The following CNTNAP3 variants were observed in gnomAD, a reference collection of about 807,000 sequenced individuals.
The protein encoded by CNTNAP3 is contactin-associated protein-like 3.
Under a neutral mutation model 92.1 loss-of-function variants are expected in CNTNAP3, and 36 were observed. That is an observed-to-expected ratio of 0.39 (90% confidence interval 0.30 to 0.52). The LOEUF (loss-of-function observed/expected upper bound fraction) is 0.52, where lower values mean the gene tolerates loss of function less well. Among genes scored for constraint, CNTNAP3 ranks in the 20% least tolerant of loss-of-function variants. The pLI, the probability that CNTNAP3 is intolerant of heterozygous loss-of-function variation, is 0.76. For synonymous variants in CNTNAP3, 232 were observed against 422.3 expected (o/e 0.55, Z 5.53); for missense variants, 534 against 1,069.6 (o/e 0.50, Z 6.98).
At chr9:39,132,900 GA>G in intron 13 of CNTNAP3, 31 bp downstream of exon 13, 2 of 1,522,218 alleles carry the variant, frequency 1.3e-6, no homozygotes, top group Non-Finnish European at 1.7e-6. Context: ...CCGGCCCCGT[GA>G]ACCCCTGTAG....
chr9:39,168,262 A>C (rs1011336602), intron 8 of CNTNAP3, among the ~76,000 whole-genome samples: 1 of 149,902 alleles, frequency 6.7e-6, no homozygotes, highest in Non-Finnish European at 1.5e-5. Context: ...CGTGATCTGC[A>C]TGCCTTGGCC....
At chr9:39,134,636 C>T (rs1456403857) in intron 12 of CNTNAP3, among the ~76,000 whole-genome samples, 1 of 152,098 alleles carries the variant, frequency 6.6e-6, no homozygotes, top group Non-Finnish European at 1.5e-5. Flanking sequence ...CCATGTTGGC[C>T]AGGCTGGTCT....
At chr9:39,125,763 C>A (rs1441390632) in intron 13 of CNTNAP3, among the ~76,000 whole-genome samples, 1 of 152,014 alleles carries the variant, frequency 6.6e-6, no homozygotes, top group East Asian at 1.9e-4. Flanking sequence ...ATAAAGGGGT[C>A]AATATAACAA....
chr9:39,174,423 T>G (rs1387808548), intron 7 of CNTNAP3: 1 of 640,682 alleles, frequency 1.6e-6, no homozygotes, highest in Non-Finnish European at 2.9e-6. Context: ...TTCATGGGCT[T>G]CACAGCTGTT....
chr9:39,150,779 C>T (rs920556908), intron 9 of CNTNAP3, among the ~76,000 whole-genome samples: 1 of 92,328 alleles, frequency 1.1e-5, no homozygotes, highest in African/African-American at 4.6e-5. Context: ...TTCACTACAA[C>T]CGTCAGCTAA....
chr9:39,205,022 C>T (rs1433502342), intron 3 of CNTNAP3, among the ~76,000 whole-genome samples: 1 of 78,478 alleles, frequency 1.3e-5, no homozygotes, highest in Non-Finnish European at 2.1e-5. Context: ...TGTTTTTGAG[C>T]ACTTCCCACA....
In CNTNAP3 at chr9:39,121,012, GT is replaced by G. The variant is rs1821007043; in HGVS notation, c.2081-2754del. Among the ~76,000 whole-genome samples, 3 of 152,066 alleles carry G rather than the reference GT, an allele frequency of 2.0e-5. No homozygotes were observed. In the South Asian group the frequency reaches 6.2e-4, roughly 32 times the overall value. ...TCATTATGAGAGTGAAGATATTTAA[GT>G]TGACTGTGGTAAGTCACATATGTAA... On this transcript the variant is annotated intron_variant, in intron 13 of 23. Coordinates refer to ENST00000297668, the MANE Select transcript of CNTNAP3 (RefSeq NM_033655.5).
intron 4 of CNTNAP3, among the ~76,000 whole-genome samples, chr9:39,179,296 C>T (rs1297843584): frequency 0.01 from 1,292 of 129,046 alleles, 78 homozygotes; most frequent in African/African-American, 0.04. Flanking sequence ...TACACACACA[C>T]ACACACACAC....
chr9:39,149,163 C>G (rs976676370), intron 10 of CNTNAP3, among the ~76,000 whole-genome samples: 3 of 152,092 alleles, frequency 2.0e-5, no homozygotes, highest in Admixed American at 6.6e-5. Context: ...TGAATAGTAA[C>G]CTGGCAAATT....
chr9:39,072,629 T>A lies in CNTNAP3; in HGVS notation c.*1261A>T, dbSNP rs1825653993. On this transcript the variant is annotated 3_prime_UTR_variant, in exon 24 of 24. Coordinates refer to ENST00000297668, the MANE Select transcript of CNTNAP3 (RefSeq NM_033655.5). ...CCTGTGATCAGACTGGCAGATTTAA[T>A]AAACATCATGTAAATGCTAACTTAA... is the stretch of plus-strand genomic sequence containing the variant. 6.6e-6 allele frequency: 1 copy of A among 152,254 alleles called. No homozygotes were observed. The highest frequency in any genetic ancestry group is 1.5e-5 in the Non-Finnish European group (1 of 68,032). The allele number at this position is 152,254 out of a possible 1,614,324, so 9.4% of individuals were successfully genotyped here. A position where few individuals can be genotyped will look rare whatever the true frequency, so the allele number is the denominator to read the frequency against.
intron 13 of CNTNAP3, among the ~76,000 whole-genome samples, chr9:39,123,414 C>T (rs1166328924): frequency 2.0e-5 from 3 of 151,902 alleles, no homozygotes; most frequent in Admixed American, 1.3e-4. Context: ...CAATTTCAAA[C>T]GGTGTAACCT....
chr9:39,132,882 G>A, intron 13 of CNTNAP3, 50 bp downstream of exon 13: 1 of 1,501,714 alleles, frequency 6.7e-7, no homozygotes. Flanking sequence ...CAGCCCGAGG[G>A]CCGCGCCCCG....
chr9:39,106,144 G>A (rs1442460861), intron 15 of CNTNAP3, among the ~76,000 whole-genome samples: 1 of 152,004 alleles, frequency 6.6e-6, no homozygotes, highest in African/African-American at 2.4e-5. Context: ...CCTAGTCCCA[G>A]CTGCCCCAAA....
At chr9:39,082,711 A>T in intron 21 of CNTNAP3, among the ~76,000 whole-genome samples, 1 of 152,278 alleles carries the variant, frequency 6.6e-6, no homozygotes, top group Non-Finnish European at 1.5e-5. Flanking sequence ...AGACTTGCTT[A>T]GTGCTTGTTA....
At chr9:39,162,038 C>G (rs1232846425) in intron 9 of CNTNAP3, among the ~76,000 whole-genome samples, 1 of 119,474 alleles carries the variant, frequency 8.4e-6, no homozygotes, top group Non-Finnish European at 1.6e-5. Flanking sequence ...GCAAAAGAAA[C>G]TATCCACAGA....
chr9:39,109,117 A>C lies in CNTNAP3; in HGVS notation c.2365+43T>G, dbSNP rs1826679115. 4 of 1,591,084 alleles carry C rather than the reference A, an allele frequency of 2.5e-6. No individual in the cohort carries two copies. In the South Asian group the frequency reaches 4.6e-5, roughly 18 times the overall value. On this transcript the variant is annotated intron_variant, in intron 15 of 23. Coordinates refer to ENST00000297668, the MANE Select transcript of CNTNAP3 (RefSeq NM_033655.5). ...ATTTGTCTACTCTTTTATAACCAAA[A>C]AAAGTTATTATGAAAATAAAGCTTT...
intron 14 of CNTNAP3, 170 bp downstream of exon 14, chr9:39,117,933 A>C: frequency 7.7e-7 from 1 of 1,299,688 alleles, no homozygotes; most frequent in East Asian, 2.4e-5. Flanking sequence ...CTTTGGTCAT[A>C]AAATTTAATC....
intron 14 of CNTNAP3, among the ~76,000 whole-genome samples, chr9:39,114,594 T>C (rs1820809456): frequency 6.6e-6 from 1 of 152,218 alleles, no homozygotes; most frequent in Admixed American, 6.5e-5. Context: ...CTTCACTGAG[T>C]GCTTATATTT....
chr9:39,141,896 TTAA>T lies in CNTNAP3; in HGVS notation c.1757-1261_1757-1259del, dbSNP rs1366927753. Among the ~76,000 whole-genome samples, 7 of 152,256 alleles carry T rather than the reference TTAA, an allele frequency of 4.6e-5. No individual in the cohort carries two copies. In the South Asian group the frequency reaches 1.0e-3, roughly 23 times the overall value. ...AATACAATTAATGAGTTATATACAA[TTAA>T]TAATTATATACAATTAATTAGTTGC... is the stretch of plus-strand genomic sequence containing the variant. On this transcript the variant is annotated intron_variant, in intron 11 of 23. Transcript: ENST00000297668.
Sources: allele counts gnomAD v4.1 joint callset (sites outside exome capture counted in the v4.1 genomes callset), GRCh38; gene constraint gnomAD v4.1.1; transcripts MANE v1.5; gene names NCBI Gene and HGNC (gene_info 2026-07-23, HGNC 2026-07-21).